MYRFL: variants seen among roughly 807,000 people sequenced by gnomAD.
The protein encoded by MYRFL is myelin regulatory factor like.
A neutral mutation model predicts 109.4 loss-of-function variants in MYRFL; 88 were observed. The ratio of observed to expected loss-of-function variants is 0.80; its 90% CI spans 0.68 to 0.96. The LOEUF is 0.96. MYRFL is among the 40% of genes least tolerant of loss of function. The probability of loss-of-function intolerance (pLI) is 0.00; values close to 1 mark genes in which losing one functional copy is unlikely to be tolerated. For missense variants in MYRFL, 957 were observed against 954.9 expected, an observed-to-expected ratio of 1.00 and a Z score of -0.03; for synonymous variants, 324 against 320.9, an observed-to-expected ratio of 1.01 and a Z score of -0.10.
chr12:69,843,469 TGAA>T (rs1195828273), intron 1 of MYRFL, among the ~76,000 whole-genome samples: 2 of 152,196 alleles, frequency 1.3e-5, no homozygotes, highest in Non-Finnish European at 2.9e-5. Context: ...GGGAAAGTGA[TGAA>T]GAAAGCTGTT....
At chr12:69,891,269 C>A in intron 7 of MYRFL, 103 bp downstream of exon 7, 1 of 887,038 alleles carries the variant, frequency 1.1e-6, no homozygotes, top group Non-Finnish European at 1.6e-6. Flanking sequence ...AAAATAATAA[C>A]AGTCCTTTAT....
intron 2 of MYRFL, among the ~76,000 whole-genome samples, chr12:69,861,843 T>C (rs1449449058): frequency 4.1e-5 from 6 of 147,280 alleles, no homozygotes; most frequent in African/African-American, 7.5e-5. Flanking sequence ...TCCTGAATGG[T>C]AATGCCTAGG....
chr12:69,923,471 CTT>C (rs1954971898), intron 13 of MYRFL, among the ~76,000 whole-genome samples: 2 of 152,044 alleles, frequency 1.3e-5, no homozygotes, highest in Admixed American at 6.6e-5. Context: ...ATATTTCTAA[CTT>C]AAATTTAGAT....
intron 16 of MYRFL, among the ~76,000 whole-genome samples, chr12:69,935,695 T>C (rs1014909331): frequency 6.6e-6 from 1 of 152,184 alleles, no homozygotes; most frequent in Admixed American, 6.5e-5. Flanking sequence ...TGTGCCGCCT[T>C]CCATCTCCCA....
In MYRFL at chr12:69,932,513, G is replaced by A; in HGVS notation, c.1831G>A (p.Val611Ile). The change falls in exon 16 of 25, where the codon GTT becomes ATT. Residue 611 changes from valine to isoleucine, a missense_variant and splice_region_variant. Coordinates refer to ENST00000552032, the MANE Select transcript of MYRFL (RefSeq NM_182530.3). ...TGCTCATTACTGAACCTTTTTATAG[G>A]TTTATTTTTCAGGAAAAAGACAGGC... ...RRAVHKKNNK[V>I]YFSGKRQACP... The A allele has an allele frequency of 6.5e-7, 1 of 1,534,734 alleles. No individual in the cohort carries two copies. Among genetic ancestry groups the A allele is most frequent in the East Asian group, 2.4e-5 (1 of 40,894 alleles).
chr12:69,834,771 T>C (rs955272861), intron 1 of MYRFL, among the ~76,000 whole-genome samples: 5 of 152,238 alleles, frequency 3.3e-5, no homozygotes, highest in Non-Finnish European at 5.9e-5. Flanking sequence ...GAATTTATAA[T>C]CATAAAATCC....
intron 22 of MYRFL, among the ~76,000 whole-genome samples, chr12:69,956,951 A>G (rs1050756810): frequency 6.6e-6 from 1 of 152,240 alleles, no homozygotes; most frequent in Non-Finnish European, 1.5e-5. Context: ...TATATGCTAT[A>G]TCCCCTGAAG....
chr12:69,921,216 T>A (rs1954900469), intron 13 of MYRFL, among the ~76,000 whole-genome samples: 1 of 152,152 alleles, frequency 6.6e-6, no homozygotes, highest in African/African-American at 2.4e-5. Context: ...TTAAAACATT[T>A]TTTTTTGTAG....
intron 1 of MYRFL, among the ~76,000 whole-genome samples, chr12:69,846,392 G>A (rs1208461634): frequency 5.0e-5 from 7 of 139,274 alleles, no homozygotes; most frequent in South Asian, 2.2e-4. Context: ...TCCTGTGTCC[G>A]TGTGTTCTCA....
At chr12:69,846,131 TTTA>T (rs1883523297) in intron 1 of MYRFL, among the ~76,000 whole-genome samples, 1 of 148,342 alleles carries the variant, frequency 6.7e-6, no homozygotes, top group Admixed American at 6.7e-5. Context: ...TTTTTTTTTT[TTTA>T]TGACTGCCAC....
At chr12:69,901,883 G>A (rs1452035081) in intron 10 of MYRFL, among the ~76,000 whole-genome samples, 1 of 75,336 alleles carries the variant, frequency 1.3e-5, no homozygotes, top group Non-Finnish European at 3.1e-5. Flanking sequence ...TTTCACTGCT[G>A]TTTTTTTTTG....
chr12:69,932,539 G>T lies in MYRFL; in HGVS notation c.1857G>T (p.Ala619=), dbSNP rs1229991582. 1 of 1,536,008 alleles carries T rather than the reference G, an allele frequency of 6.5e-7. No homozygotes were observed. Among genetic ancestry groups the T allele is most frequent in the South Asian group, 1.2e-5 (1 of 84,060 alleles). The stretch of plus-strand genomic sequence containing the variant: ...TTTATTTTTCAGGAAAAAGACAGGC[G>T]TGTCCTAATTGGGTTTTCCAGACCT... The part of the protein sequence containing the change: ...NKVYFSGKRQ[A]CPNWVFQTLV... The change falls in exon 16 of 25, where the codon GCG becomes GCT. Residue 619 remains alanine (A), a synonymous_variant. Coordinates refer to ENST00000552032, the MANE Select transcript of MYRFL (RefSeq NM_182530.3).
At chr12:69,843,703 T>C (rs1355861415) in intron 1 of MYRFL, among the ~76,000 whole-genome samples, 1 of 152,202 alleles carries the variant, frequency 6.6e-6, no homozygotes, top group Non-Finnish European at 1.5e-5. Context: ...GCCTTTTTAT[T>C]GTCTTCCTAC....
chr12:69,837,842 A>G (rs1297946559), intron 1 of MYRFL, among the ~76,000 whole-genome samples: 2 of 152,176 alleles, frequency 1.3e-5, no homozygotes, highest in Non-Finnish European at 2.9e-5. Flanking sequence ...CTTTCAAAGT[A>G]TGTAATGAAT....
intron 8 of MYRFL, 92 bp from the exon 9 acceptor site, chr12:69,895,279 A>G (rs1953948258): frequency 6.5e-6 from 6 of 930,200 alleles, no homozygotes; most frequent in Non-Finnish European, 8.1e-6. Flanking sequence ...GGAACCAAGC[A>G]TAGATGAGAG....
chr12:69,850,842 T>C (rs1225322198), intron 1 of MYRFL, among the ~76,000 whole-genome samples: 6 of 152,178 alleles, frequency 3.9e-5, no homozygotes, highest in South Asian at 2.1e-4. Context: ...GATTCATTCT[T>C]GATTGGCTGA....
At chr12:69,928,382 C>T (rs1955165276) in intron 15 of MYRFL, among the ~76,000 whole-genome samples, 2 of 152,196 alleles carry the variant, frequency 1.3e-5, no homozygotes, top group Non-Finnish European at 2.9e-5. Context: ...TAAGTAGCTA[C>T]AAAACTCAGC....
chr12:69,922,083 A>G (rs1455054012), intron 13 of MYRFL, among the ~76,000 whole-genome samples: 1 of 152,088 alleles, frequency 6.6e-6, no homozygotes, highest in Non-Finnish European at 1.5e-5. Flanking sequence ...GAGATTTAGG[A>G]TGCCGAACTG....
intron 2 of MYRFL, among the ~76,000 whole-genome samples, chr12:69,874,777 C>T (rs1423949854): frequency 2.0e-5 from 3 of 151,884 alleles, no homozygotes; most frequent in South Asian, 2.1e-4. Context: ...TTTGTACTGT[C>T]TTCTGGCCTC....
Sources: gnomAD v4.1 joint callset for allele counts (sites outside exome capture counted in the v4.1 genomes callset) on GRCh38, gnomAD v4.1.1 for gene constraint, MANE v1.5 for transcripts, NCBI Gene and HGNC (gene_info 2026-07-23, HGNC 2026-07-21) for gene names.